NRXN1: variants seen among roughly 807,000 people sequenced by gnomAD.
NRXN1 encodes neurexin-1.
Under a neutral mutation model 150.9 loss-of-function variants are expected in NRXN1, and 39 were observed. The ratio of observed to expected loss-of-function variants is 0.26; its 90% CI spans 0.20 to 0.34. The LOEUF (loss-of-function observed/expected upper bound fraction) is 0.34, where lower values mean the gene tolerates loss of function less well. NRXN1 is among the 10% of genes least tolerant of loss of function. The pLI, the probability that NRXN1 is intolerant of heterozygous loss-of-function variation, is 1.00. For missense variants in NRXN1, 1,815 were observed against 1,949.9 expected (o/e 0.93, Z 1.30); for synonymous variants, 924 against 757.0 (o/e 1.22, Z -3.62).
intron 5 of NRXN1, among the ~76,000 whole-genome samples, chr2:50,645,857 T>C (rs904531428): frequency 1.1e-4 from 16 of 151,912 alleles, no homozygotes; most frequent in African/African-American, 7.2e-5. Flanking sequence ...CTTTACATGA[T>C]TCCCAGTCTA....
At chr2:50,964,936 AG>A (rs905182711) in intron 2 of NRXN1, among the ~76,000 whole-genome samples, 19 of 151,614 alleles carry the variant, frequency 1.3e-4, no homozygotes, top group African/African-American at 4.3e-4. Flanking sequence ...GTTGAGCCTA[AG>A]TAACTTCATT....
At chr2:50,510,781 A>G (rs2092424183) in intron 12 of NRXN1, among the ~76,000 whole-genome samples, 1 of 152,166 alleles carries the variant, frequency 6.6e-6, no homozygotes, top group Non-Finnish European at 1.5e-5. Context: ...TTTCATTAAA[A>G]TGTGTTTTCC....
At chr2:50,191,906 T>C (rs1323702903) in intron 18 of NRXN1, among the ~76,000 whole-genome samples, 1 of 152,208 alleles carries the variant, frequency 6.6e-6, no homozygotes, top group Non-Finnish European at 1.5e-5. Context: ...TCTTCAAACA[T>C]ACAGCTTCTA....
At chr2:50,429,505 C>A (rs931013881) in intron 17 of NRXN1, among the ~76,000 whole-genome samples, 2 of 152,138 alleles carry the variant, frequency 1.3e-5, no homozygotes, top group African/African-American at 4.8e-5. Flanking sequence ...GATCCACCCA[C>A]CTTTGCCTCC....
intron 18 of NRXN1, among the ~76,000 whole-genome samples, chr2:50,212,299 C>CA (rs10668763): frequency 0.16 from 17,402 of 108,180 alleles, 1,218 homozygotes; most frequent in Middle Eastern, 0.22. Context: ...TTTGAATTTG[C>CA]AAAAAAAAAA....
At chr2:50,872,954 T>C (rs1327754370) in intron 5 of NRXN1, among the ~76,000 whole-genome samples, 1 of 151,824 alleles carries the variant, frequency 6.6e-6, no homozygotes, top group South Asian at 2.1e-4. Context: ...TGAGCTATGA[T>C]TGTACCACTA....
chr2:50,814,479 A>T (rs1214315481), intron 5 of NRXN1, among the ~76,000 whole-genome samples: 1 of 152,146 alleles, frequency 6.6e-6, no homozygotes, highest in Non-Finnish European at 1.5e-5. Context: ...TTACTTGGCA[A>T]ACACAGAAAG....
chr2:51,003,252 G>C (rs1359545683), intron 2 of NRXN1, among the ~76,000 whole-genome samples: 1 of 151,766 alleles, frequency 6.6e-6, no homozygotes, highest in East Asian at 1.9e-4. Context: ...GACCAGTTAG[G>C]GGCACCAATA....
At position 50,650,312 on chromosome 2, in the gene NRXN1, G is replaced by C. The variant is rs190287617; in HGVS notation, c.833-26697C>G. Among the ~76,000 whole-genome samples, 4 of 152,170 alleles carry C rather than the reference G, an allele frequency of 2.6e-5. No individual in the cohort carries two copies. In the East Asian group the frequency reaches 7.8e-4, roughly 30 times the overall value. ...ATTTCAGTCAGAGCAAGTGGTATAT[G>C]ACTCCTGACATTGTGTGATAACACA... is the stretch of plus-strand genomic sequence containing the variant. On this transcript the variant is annotated intron_variant, in intron 5 of 22. Coordinates refer to ENST00000401669, the MANE Select transcript of NRXN1 (RefSeq NM_001330078.2).
chr2:50,428,571 G>A (rs1303121374), intron 17 of NRXN1, among the ~76,000 whole-genome samples: 1 of 152,178 alleles, frequency 6.6e-6, no homozygotes, highest in East Asian at 1.9e-4. Flanking sequence ...TTAGATATTC[G>A]TTTCATTGTA....
chr2:51,022,851 G>T (rs1453250010), intron 2 of NRXN1, among the ~76,000 whole-genome samples: 1 of 152,106 alleles, frequency 6.6e-6, no homozygotes, highest in Non-Finnish European at 1.5e-5. Flanking sequence ...GTACTTGGGG[G>T]TATACTATAA....
intron 19 of NRXN1, among the ~76,000 whole-genome samples, chr2:50,089,778 C>T (rs572002065): frequency 1.4e-5 from 2 of 141,234 alleles, no homozygotes; most frequent in East Asian, 2.1e-4. Context: ...AAGAGTGAGA[C>T]CTTGCTTCAA....
At chr2:50,273,783 C>T (rs7601916) in intron 17 of NRXN1, among the ~76,000 whole-genome samples, 1,576 of 152,216 alleles carry the variant, frequency 0.01, 23 homozygotes, top group African/African-American at 0.036. Context: ...AAAAGCTCAT[C>T]ATCACTGCTT....
chr2:50,329,841 T>G (rs777427644), intron 17 of NRXN1, among the ~76,000 whole-genome samples: 18 of 150,424 alleles, frequency 1.2e-4, no homozygotes, highest in African/African-American at 2.2e-4. Context: ...GCCCGGCTAA[T>G]TTTTTTAATT....
At chr2:50,839,734 T>G (rs1381366263) in intron 5 of NRXN1, among the ~76,000 whole-genome samples, 1 of 152,130 alleles carries the variant, frequency 6.6e-6, no homozygotes, top group Non-Finnish European at 1.5e-5. Flanking sequence ...ATAAGAATGC[T>G]TGTCATTATT....
chr2:50,953,593 G>A (rs984179045), intron 2 of NRXN1, among the ~76,000 whole-genome samples: 2 of 131,794 alleles, frequency 1.5e-5, no homozygotes, highest in Admixed American at 8.0e-5. Context: ...GTCTCGCTTT[G>A]TCACCCAGGC....
chr2:50,091,340 A>G lies in NRXN1; in HGVS notation c.3701T>C (p.Ile1234Thr). 5.0e-6 allele frequency: 8 copies of G among 1,614,178 alleles called. No individual in the cohort carries two copies. The highest frequency in any genetic ancestry group is 6.8e-6 in the Non-Finnish European group (8 of 1,180,036). ...TTGCTTACCTGCAGGGTAGCGCTCG[A>G]TCACTGGCCAGCTGTCCACCTGCAA... Reference protein sequence around the residue: ...ATLQVDSWPVIERYPAGNNDN... With the variant: ...ATLQVDSWPVTERYPAGNNDN... The change falls in exon 19 of 23, where the codon ATC becomes ACC. Residue 1234 changes from isoleucine (I) to threonine (T), a missense_variant. Physicochemically the swap from Ile to Thr is moderately conservative, Grantham distance 89. Around this residue, in one of 6 missense-constraint regions of NRXN1, gnomAD observed 339 missense variants for 440.3 expected, o/e 0.77. Coordinates refer to ENST00000401669, the MANE Select transcript of NRXN1 (RefSeq NM_001330078.2).
intron 18 of NRXN1, among the ~76,000 whole-genome samples, chr2:50,229,050 T>C (rs1295502370): frequency 6.6e-6 from 1 of 152,080 alleles, no homozygotes; most frequent in Non-Finnish European, 1.5e-5. Flanking sequence ...ATAAAAATTA[T>C]GTCTAGTCCT....
chr2:50,369,809 G>A (rs960075307), intron 17 of NRXN1, among the ~76,000 whole-genome samples: 4 of 151,996 alleles, frequency 2.6e-5, no homozygotes, highest in Non-Finnish European at 5.9e-5. Context: ...CTTTCTGAAT[G>A]TACGGAGACT....
Sources: gnomAD v4.1 joint callset for allele counts (sites outside exome capture counted in the v4.1 genomes callset) on GRCh38, gnomAD v4.1.1 for gene constraint, gnomAD v4.1.1 regional missense constraint, MANE v1.5 for transcripts, NCBI Gene and HGNC (gene_info 2026-07-23, HGNC 2026-07-21) for gene names.